CARMIL1: variants seen among roughly 807,000 people sequenced by gnomAD.
CARMIL1 encodes the protein F-actin-uncapping protein LRRC16A.
Under a neutral mutation model 177.1 loss-of-function variants are expected in CARMIL1, and 90 were observed. The ratio of observed to expected loss-of-function variants is 0.51; its 90% CI spans 0.43 to 0.61. The LOEUF (loss-of-function observed/expected upper bound fraction) is 0.61. Among genes scored for constraint, CARMIL1 ranks in the 20% least tolerant of loss-of-function variants. CARMIL1 has a pLI of 0.00. For missense variants in CARMIL1, 1,380 were observed against 1,667.0 expected, an observed-to-expected ratio of 0.83 and a Z score of 3.00; for synonymous variants, 577 against 606.2, an observed-to-expected ratio of 0.95 and a Z score of 0.71.
intron 18 of CARMIL1, among the ~76,000 whole-genome samples, 186 bp from the exon 19 acceptor site, chr6:25,510,321 G>A (rs1805345886): frequency 6.6e-6 from 1 of 152,088 alleles, no homozygotes; most frequent in South Asian, 2.1e-4. Flanking sequence ...GTTTATCCCT[G>A]TGAAATAATA....
chr6:25,345,252 A>T (rs560607751), intron 2 of CARMIL1, among the ~76,000 whole-genome samples: 86 of 152,312 alleles, frequency 5.6e-4, no homozygotes, highest in African/African-American at 1.9e-3. Flanking sequence ...CTGCTTGGAC[A>T]CACATGCACC....
chr6:25,332,775 G>GCACACACACA lies in CARMIL1; in HGVS notation c.138+47874_138+47883dup, dbSNP rs1441062522. ...CACACACACACACACACACACACGC[G>GCACACACACA]CACACACACACACACACTTCTTTTA... On this transcript the variant is annotated intron_variant, in intron 2 of 36. Transcript: ENST00000329474. Among the ~76,000 whole-genome samples, 744 of 137,302 alleles carry GCACACACACA rather than the reference G, an allele frequency of 5.4e-3. 10 individuals carry two copies. The highest frequency in any genetic ancestry group is 0.02 in the African/African-American group (711 of 35,786). 90.1% of individuals were successfully genotyped at this position (137,302 alleles called of 152,430 possible).
intron 2 of CARMIL1, among the ~76,000 whole-genome samples, chr6:25,416,127 C>G (rs191975381): frequency 6.6e-6 from 1 of 152,116 alleles, no homozygotes; most frequent in Non-Finnish European, 1.5e-5. Context: ...TAGAAAGAGA[C>G]AGAAGGAGAC....
At chr6:25,475,742 G>A (rs1486673814) in intron 11 of CARMIL1, among the ~76,000 whole-genome samples, 1 of 152,206 alleles carries the variant, frequency 6.6e-6, no homozygotes, top group Non-Finnish European at 1.5e-5. Flanking sequence ...AGATGGAAGA[G>A]GAAGAATGAA....
intron 2 of CARMIL1, among the ~76,000 whole-genome samples, chr6:25,411,328 A>G (rs776489266): frequency 6.6e-6 from 1 of 151,978 alleles, no homozygotes; most frequent in Non-Finnish European, 1.5e-5. Flanking sequence ...ACTCATCTTC[A>G]CCCTTGGCCT....
At chr6:25,401,075 A>G (rs751256413) in intron 2 of CARMIL1, among the ~76,000 whole-genome samples, 5 of 152,186 alleles carry the variant, frequency 3.3e-5, no homozygotes, top group Admixed American at 2.6e-4. Context: ...TGGTACTTTT[A>G]TCTCCATATA....
At chr6:25,523,011 C>T (rs1170552327) in intron 23 of CARMIL1, among the ~76,000 whole-genome samples, 1 of 152,178 alleles carries the variant, frequency 6.6e-6, no homozygotes, top group Non-Finnish European at 1.5e-5. Context: ...GTTGCCCAAG[C>T]TGGTCTCAAA....
chr6:25,444,981 C>G (rs949624598), intron 5 of CARMIL1, among the ~76,000 whole-genome samples: 2 of 152,222 alleles, frequency 1.3e-5, no homozygotes, highest in African/African-American at 4.8e-5. Context: ...CTACTTTACA[C>G]TCCCACCAAC....
chr6:25,348,046 G>A (rs1242720721), intron 2 of CARMIL1, among the ~76,000 whole-genome samples: 1 of 152,168 alleles, frequency 6.6e-6, no homozygotes, highest in Non-Finnish European at 1.5e-5. Context: ...AACCAGTTTG[G>A]CCACAGGCTC....
intron 17 of CARMIL1, among the ~76,000 whole-genome samples, chr6:25,504,899 A>G (rs538663670): frequency 9.2e-5 from 14 of 152,240 alleles, no homozygotes; most frequent in South Asian, 4.2e-4. Flanking sequence ...TTGCTCATCT[A>G]TTGAATGGAA....
chr6:25,389,585 GT>G (rs1792541660), intron 2 of CARMIL1, among the ~76,000 whole-genome samples: 2 of 152,168 alleles, frequency 1.3e-5, no homozygotes, highest in South Asian at 4.1e-4. Flanking sequence ...TTGGATGTCA[GT>G]TTGTTTTTAT....
chr6:25,570,216 G>A (rs527499716), intron 29 of CARMIL1, among the ~76,000 whole-genome samples: 3 of 152,186 alleles, frequency 2.0e-5, no homozygotes, highest in African/African-American at 7.2e-5. Context: ...TGCCCGCCTC[G>A]GCCTCCCAAA....
At chr6:25,613,055 T>C (rs1480839982) in intron 36 of CARMIL1, among the ~76,000 whole-genome samples, 2 of 152,222 alleles carry the variant, frequency 1.3e-5, no homozygotes, top group Non-Finnish European at 2.9e-5. Context: ...ATGGTCCTTT[T>C]ATTTGGGGCA....
intron 10 of CARMIL1, among the ~76,000 whole-genome samples, chr6:25,471,546 C>T (rs547609594): frequency 5.3e-5 from 8 of 152,188 alleles, no homozygotes; most frequent in African/African-American, 1.7e-4. Flanking sequence ...AAGTTGTTTA[C>T]GCTTTCTGTG....
Position 25,509,742 on chromosome 6 carries a change from G to A in CARMIL1, c.1477+5G>A. The A allele has an allele frequency of 6.4e-7, 1 of 1,567,584 alleles. No homozygotes were observed. The highest frequency in any genetic ancestry group is 2.3e-5 in the East Asian group (1 of 43,990). On this transcript the variant is annotated splice_donor_5th_base_variant and intron_variant, in intron 18 of 36. Coordinates refer to ENST00000329474, the MANE Select transcript of CARMIL1 (RefSeq NM_017640.6). The surrounding 1 kb of genome is among the most constrained non-coding windows in gnomAD (Gnocchi z 4.1). ...GCTTAGACATCTCTGACAATGGTAA[G>A]TCAGATATTGAAAAGAAATGAAACT...
At chr6:25,282,115 C>CAAA (rs55943273) in intron 1 of CARMIL1, among the ~76,000 whole-genome samples, 2 of 81,790 alleles carry the variant, frequency 2.4e-5, no homozygotes, top group Non-Finnish European at 4.7e-5. Context: ...AACTCCATCT[C>CAAA]AAAAAAAAAA....
At chr6:25,279,888 T>G in intron 1 of CARMIL1, 53 bp downstream of exon 1, 1 of 1,588,286 alleles carries the variant, frequency 6.3e-7, no homozygotes, top group Non-Finnish European at 8.6e-7. Context: ...ACTCCTCACC[T>G]CTCTCTCCCT....
At chr6:25,429,055 T>C (rs2150735950) in intron 4 of CARMIL1, among the ~76,000 whole-genome samples, 1 of 152,306 alleles carries the variant, frequency 6.6e-6, no homozygotes, top group East Asian at 1.9e-4. Context: ...TATTCCTCCA[T>C]TGGTGGAGCA....
intron 2 of CARMIL1, among the ~76,000 whole-genome samples, chr6:25,315,510 T>G (rs1784207032): frequency 6.6e-6 from 1 of 152,230 alleles, no homozygotes; most frequent in Admixed American, 6.5e-5. Flanking sequence ...AGCAGGGCAC[T>G]GGCTCTCCAC....
Sources: allele counts gnomAD v4.1 joint callset (sites outside exome capture counted in the v4.1 genomes callset), GRCh38; gene constraint gnomAD v4.1.1; non-coding constraint Gnocchi (gnomAD v3.1); transcripts MANE v1.5; gene names NCBI Gene and HGNC (gene_info 2026-07-23, HGNC 2026-07-21).